Variants in POLA1 observed in about 807,000 individuals in gnomAD.
The protein encoded by POLA1 is DNA polymerase alpha 1, catalytic subunit.
Under a neutral mutation model 124.0 loss-of-function variants are expected in POLA1, and 15 were observed. The ratio of observed to expected loss-of-function variants is 0.12; its 90% CI spans 0.08 to 0.19. The LOEUF (loss-of-function observed/expected upper bound fraction) is 0.19. Among genes scored for constraint, POLA1 ranks in the 10% least tolerant of loss-of-function variants. The pLI is 1.00. For missense variants in POLA1, 886 were observed against 1,103.4 expected (o/e 0.80, Z 2.79); for synonymous variants, 408 against 389.4 (o/e 1.05, Z -0.56).
At chrX:24,754,418 C>T (rs1242874633) in intron 26 of POLA1, among the ~76,000 whole-genome samples, 1 of 108,987 alleles carries the variant, frequency 9.2e-6, no homozygotes. Flanking sequence ...CCACCACACT[C>T]GGCTAATTTT....
At chrX:24,834,779 A>G (rs915744573) in intron 32 of POLA1, among the ~76,000 whole-genome samples, 2 of 111,456 alleles carry the variant, frequency 1.8e-5, no homozygotes, top group African/African-American at 6.5e-5. Context: ...TCCGCCTCAA[A>G]ACAAAGCAAA....
At chrX:24,850,164 T>C (rs1342807545) in intron 34 of POLA1, among the ~76,000 whole-genome samples, 1 of 112,404 alleles carries the variant, frequency 8.9e-6, no homozygotes, top group East Asian at 2.8e-4. Context: ...ATTGTCGTTG[T>C]TGTCAAGCAA....
chrX:24,939,221 G>T (rs1242368945), intron 36 of POLA1, among the ~76,000 whole-genome samples: 2 of 112,027 alleles, frequency 1.8e-5, no homozygotes, highest in African/African-American at 6.5e-5. Flanking sequence ...TCATTTTTTA[G>T]TAGGAAAAAT....
At position 24,717,620 on chromosome X, in the gene POLA1, C is replaced by G. The variant is rs1426455234; in HGVS notation, c.949C>G (p.Gln317Glu). The change falls in exon 10 of 37, where the codon CAA becomes GAA. Residue 317 changes from glutamine (Q) to glutamate (E), a missense_variant. Gln to Glu is a conservative substitution (Grantham distance 29). Transcript: ENST00000379068. ...LPDVSCWDID[Q>E]EGDSSFSVQE... ...GGATGTCTCTTGTTGGGACATTGAT[C>G]AAGAAGGTGATAGCAGTTTCTCAGT... The G allele has an allele frequency of 2.6e-5, 31 of 1,209,428 alleles. No homozygotes were observed. The highest frequency in any genetic ancestry group is 3.5e-5 in the Non-Finnish European group (31 of 893,683).
At chrX:24,960,482 C>T (rs1247048607) in intron 36 of POLA1, among the ~76,000 whole-genome samples, 1 of 111,550 alleles carries the variant, frequency 9.0e-6, no homozygotes, top group Non-Finnish European at 1.9e-5. Context: ...AAGAAACCTT[C>T]ATGTGTTGAC....
chrX:24,770,913 A>G (rs1329616863), intron 26 of POLA1, among the ~76,000 whole-genome samples: 1 of 111,389 alleles, frequency 9.0e-6, no homozygotes, highest in Non-Finnish European at 1.9e-5. Flanking sequence ...AGTTTTTTTT[A>G]GGATGAAAAG....
rs181595290 is a variant in POLA1 at position 24,773,790 on chromosome X, A to G, written c.2964+24798A>G. ...CTTTGTATGCTGGTGGGATGGGTCC[A>G]TATTGCAAATGAAATGTGATGTGTA... On this transcript the variant is annotated intron_variant, in intron 26 of 36. Coordinates refer to ENST00000379068, the MANE Select transcript of POLA1 (RefSeq NM_001330360.2). 7.1e-5 allele frequency among the ~76,000 whole-genome samples: 8 copies of G among 112,025 alleles called. No homozygotes were observed. In the Admixed American group the frequency reaches 7.6e-4, roughly 11 times the overall value.
chrX:24,759,201 C>G (rs1331961772), intron 26 of POLA1, among the ~76,000 whole-genome samples: 2 of 112,121 alleles, frequency 1.8e-5, no homozygotes, highest in Non-Finnish European at 3.8e-5. Flanking sequence ...TCCTTATTCT[C>G]AATCCAAATT....
intron 35 of POLA1, among the ~76,000 whole-genome samples, chrX:24,920,958 C>T (rs867603460): frequency 4.0e-4 from 45 of 112,034 alleles, no homozygotes; most frequent in Middle Eastern, 9.2e-3. Flanking sequence ...AAAAATATGC[C>T]GCCTTCTCGA....
intron 32 of POLA1, among the ~76,000 whole-genome samples, chrX:24,829,186 G>T (rs937822557): frequency 1.8e-5 from 2 of 111,150 alleles, no homozygotes; most frequent in African/African-American, 6.5e-5. Flanking sequence ...TCTAGGTGCA[G>T]CCATGGCTGT....
chrX:24,726,905 A>G, intron 13 of POLA1, 28 bp from the exon 14 acceptor site: 1 of 1,133,240 alleles, frequency 8.8e-7, no homozygotes. Flanking sequence ...TTTAAACAAA[A>G]AGATTCTTTT....
In POLA1 at chrX:24,810,781, T is replaced by A; in HGVS notation, c.3071T>A (p.Val1024Glu). ...INTNSTNLEE[V>E]FKLGNKVKSE... ...ACCAATAGCACCAATCTGGAAGAAG[T>A]ATTTAAGTTGGGAAACAAGGTGAGA... Residue 1024 changes from valine to glutamate, a missense_variant, in exon 28 of 37, where the codon GTA (valine) becomes GAA (glutamate). By Grantham distance (121) the Val-to-Glu change is moderately radical. Transcript: ENST00000379068. The A allele has an allele frequency of 9.5e-7, 1 of 1,052,837 alleles. No homozygotes were observed. The highest frequency in any genetic ancestry group is 1.3e-6 in the Non-Finnish European group (1 of 759,240). 86.8% of individuals were successfully genotyped at this position (1,052,837 alleles called of 1,213,427 possible). A position where few individuals can be genotyped will look rare whatever the true frequency, so the allele number is the denominator to read the frequency against.
intron 36 of POLA1, among the ~76,000 whole-genome samples, chrX:24,983,925 T>A (rs750412474): frequency 6.3e-5 from 7 of 111,438 alleles, no homozygotes; most frequent in Non-Finnish European, 1.1e-4. Flanking sequence ...CTCTACTACC[T>A]GCCTCCCCCA....
intron 36 of POLA1, among the ~76,000 whole-genome samples, chrX:24,962,717 A>T (rs757467466): frequency 1.8e-5 from 2 of 111,786 alleles, no homozygotes; most frequent in Admixed American, 9.5e-5. Context: ...ATCTCCTTAT[A>T]TAATATGCTG....
intron 15 of POLA1, among the ~76,000 whole-genome samples, chrX:24,729,493 A>G (rs900776034): frequency 8.9e-5 from 10 of 111,885 alleles, no homozygotes; most frequent in African/African-American, 2.6e-4. Flanking sequence ...AATTCTGTCC[A>G]TGGTTTTTAA....
chrX:24,876,687 G>C (rs45515907), intron 34 of POLA1, among the ~76,000 whole-genome samples: 6 of 103,047 alleles, frequency 5.8e-5, no homozygotes, highest in South Asian at 5.2e-4. Flanking sequence ...GGGTCGGGGG[G>C]GGGGATAGTG....
chrX:24,764,045 C>T (rs936936617), intron 26 of POLA1, among the ~76,000 whole-genome samples: 2 of 111,396 alleles, frequency 1.8e-5, no homozygotes, highest in Non-Finnish European at 3.8e-5. Context: ...CCCTGTTTTG[C>T]TTCTCCCTGA....
intron 29 of POLA1, among the ~76,000 whole-genome samples, chrX:24,813,799 G>A (rs1398352538): frequency 1.1e-5 from 1 of 91,203 alleles, no homozygotes; most frequent in South Asian, 6.0e-4. Context: ...GGGCAAAGAA[G>A]TGAGACGCCG....
chrX:24,809,503 G>A (rs1390694064), intron 26 of POLA1, among the ~76,000 whole-genome samples: 2 of 111,513 alleles, frequency 1.8e-5, no homozygotes, highest in African/African-American at 6.5e-5. Flanking sequence ...AATGTAGTGT[G>A]CTTTTTTTTG....
Sources: gnomAD v4.1 joint callset for allele counts (sites outside exome capture counted in the v4.1 genomes callset) on GRCh38, gnomAD v4.1.1 for gene constraint, MANE v1.5 for transcripts, NCBI Gene and HGNC (gene_info 2026-07-23, HGNC 2026-07-21) for gene names.